Variants in PCDHA2 observed in about 807,000 individuals in gnomAD.
PCDHA2 encodes protocadherin alpha-2.
A neutral mutation model predicts 66.0 loss-of-function variants in PCDHA2; 58 were observed. The observed-to-expected ratio is 0.88, with a 90% CI of 0.71 to 1.09. PCDHA2 has a LOEUF of 1.09. Ranked by LOEUF, PCDHA2 falls within the 50% of genes least tolerant of loss-of-function variation. The pLI, the probability that PCDHA2 is intolerant of heterozygous loss-of-function variation, is 0.00. For synonymous variants in PCDHA2, 634 were observed against 554.0 expected (o/e 1.14, Z -2.03); for missense variants, 1,267 against 1,242.3 (o/e 1.02, Z -0.30).
At chr5:140,938,719 T>A (rs1484492024) in intron 1 of PCDHA2, among the ~76,000 whole-genome samples, 2 of 152,098 alleles carry the variant, frequency 1.3e-5, no homozygotes, top group African/African-American at 4.8e-5. Context: ...TAGAAACGCG[T>A]TTCTACAGAA....
At chr5:140,911,709 G>A (rs1029382331) in intron 1 of PCDHA2, among the ~76,000 whole-genome samples, 1 of 151,822 alleles carries the variant, frequency 6.6e-6, no homozygotes, top group Non-Finnish European at 1.5e-5. Context: ...AATTTATTTT[G>A]TGTAACTCTG....
chr5:140,941,461 G>A (rs1202773112), intron 1 of PCDHA2, among the ~76,000 whole-genome samples: 7 of 150,524 alleles, frequency 4.7e-5, no homozygotes, highest in Non-Finnish European at 7.4e-5. Context: ...GATTACAGGC[G>A]CCCACCACCA....
intron 1 of PCDHA2, chr5:140,816,983 G>C (rs1766039498): frequency 6.6e-6 from 1 of 152,006 alleles, no homozygotes; most frequent in Non-Finnish European, 1.5e-5. Context: ...CTAAAATTCA[G>C]GAACTTTGGA....
chr5:141,008,642 T>C (rs1554261860), intron 3 of PCDHA2, among the ~76,000 whole-genome samples: 1 of 152,212 alleles, frequency 6.6e-6, no homozygotes, highest in Non-Finnish European at 1.5e-5. Flanking sequence ...AACAATTTCT[T>C]CTTCTGGAGT....
At position 140,843,609 on chromosome 5, in the gene PCDHA2, G is replaced by C. The variant is rs145975691; in HGVS notation, c.2388+46257G>C. 647 of 1,595,902 alleles carry C rather than the reference G, an allele frequency of 4.1e-4. 69 individuals are homozygous for C. The highest frequency in any genetic ancestry group is 5.3e-4 in the Non-Finnish European group (622 of 1,165,530). On this transcript the variant is annotated intron_variant, in intron 1 of 3. Coordinates refer to ENST00000526136, the MANE Select transcript of PCDHA2 (RefSeq NM_018905.3). ...CCGCAGAGGGTGTGCTCTGGTGAGG[G>C]GCCACCGAAGACGGACCTCATGGCC...
chr5:140,841,176 A>G, intron 1 of PCDHA2: 24 of 1,081,656 alleles, frequency 2.2e-5, no homozygotes, highest in Non-Finnish European at 3.1e-5. Context: ...TGGTTGGTCA[A>G]TGTTCAAAGT....
In PCDHA2 at chr5:140,795,575, A is replaced by G. The variant is rs1338741055; in HGVS notation, c.611A>G (p.Glu204Gly). The stretch of plus-strand genomic sequence containing the variant: ...CTGGGGAAATCGCTGGACAGAGAGG[A>G]AACTGCTGAGGTTAATTTGTTACTG... ...LVLGKSLDRE[E>G]TAEVNLLLVA... The change falls in exon 1 of 4, where the codon GAA becomes GGA. Residue 204 changes from glutamate (E) to glycine (G), a missense_variant. By Grantham distance (98) the Glu-to-Gly change is moderately conservative (BLOSUM62 -2). Coordinates refer to ENST00000526136, the MANE Select transcript of PCDHA2 (RefSeq NM_018905.3). The G allele has an allele frequency of 6.2e-7, 1 of 1,614,162 alleles. No homozygotes were observed. Among genetic ancestry groups the G allele is most frequent in the Admixed American group, 1.7e-5 (1 of 60,028 alleles).
intron 1 of PCDHA2, among the ~76,000 whole-genome samples, chr5:140,948,075 T>C (rs1554218432): frequency 1.3e-5 from 2 of 151,684 alleles, no homozygotes; most frequent in Non-Finnish European, 3.0e-5. Flanking sequence ...AATTTTCTTT[T>C]AATCTATTGA....
Position 140,886,416 on chromosome 5 carries a change from A to T in PCDHA2, c.2388+89064A>T, listed in dbSNP as rs184712902. Among the ~76,000 whole-genome samples, 13 of 152,286 alleles carry T rather than the reference A, an allele frequency of 8.5e-5. No homozygotes were observed. The East Asian group carries it at 2.5e-3, about 29-fold the overall frequency. ...TGCATCACAAATATGTTTTCCTCCT[A>T]TATTATTTCTATTCATTTGTTTGTA... is the stretch of plus-strand genomic sequence containing the variant. On this transcript the variant is annotated intron_variant, in intron 1 of 3. Transcript: ENST00000526136.
intron 1 of PCDHA2, among the ~76,000 whole-genome samples, chr5:140,962,736 C>T (rs1233355346): frequency 2.0e-5 from 3 of 152,136 alleles, no homozygotes; most frequent in Non-Finnish European, 4.4e-5. Flanking sequence ...TCTGGGGATG[C>T]ATGAAGATCA....
At chr5:140,917,657 G>A (rs1382905790) in intron 1 of PCDHA2, among the ~76,000 whole-genome samples, 2 of 152,156 alleles carry the variant, frequency 1.3e-5, no homozygotes, top group Admixed American at 1.3e-4. Context: ...TATTGAGTAG[G>A]AAGTCCTTTC....
chr5:140,966,786 G>A (rs1554228650), intron 1 of PCDHA2: 2 of 1,526,000 alleles, frequency 1.3e-6, no homozygotes, highest in Admixed American at 1.9e-5. Context: ...GCGGGCACCA[G>A]ACCTGCGGCG....
At chr5:140,810,808 T>C (rs530061594) in intron 1 of PCDHA2, 17 of 152,258 alleles carry the variant, frequency 1.1e-4, no homozygotes, top group Admixed American at 9.1e-4. Context: ...TTTTTAATTC[T>C]TTTTTGTCTT....
intron 1 of PCDHA2, among the ~76,000 whole-genome samples, chr5:140,914,464 A>T (rs923814955): frequency 5.9e-5 from 9 of 152,130 alleles, no homozygotes; most frequent in Non-Finnish European, 1.3e-4. Flanking sequence ...GTCTATGTGT[A>T]TCTTCATAGG....
At chr5:140,884,433 G>C in intron 1 of PCDHA2, 1 of 1,613,908 alleles carries the variant, frequency 6.2e-7, no homozygotes, top group Non-Finnish European at 8.5e-7. Context: ...ACTGCGCTGC[G>C]GTGCTCGGCA....
intron 1 of PCDHA2, chr5:140,929,266 C>T (rs1333907609): frequency 6.2e-7 from 1 of 1,611,352 alleles, no homozygotes; most frequent in Middle Eastern, 1.7e-4. Flanking sequence ...ACTGAATTTG[C>T]CAATATCCTG....
chr5:140,855,911 G>A (rs2043669744), intron 1 of PCDHA2: 4 of 1,166,768 alleles, frequency 3.4e-6, no homozygotes, highest in East Asian at 4.8e-5. Context: ...AGTTTCTCAA[G>A]GACTAGGAAG....
intron 1 of PCDHA2, chr5:140,848,337 C>A (rs1402833811): frequency 1.3e-5 from 11 of 873,306 alleles, no homozygotes; most frequent in South Asian, 1.7e-5. Context: ...TGAATCCAGA[C>A]AAATACAGCC....
intron 1 of PCDHA2, chr5:140,807,524 C>T: frequency 2.5e-6 from 4 of 1,614,084 alleles, no homozygotes; most frequent in Non-Finnish European, 3.4e-6. Flanking sequence ...CGTAGACAGG[C>T]CGCTGCAGGT....
Sources: allele counts gnomAD v4.1 joint callset (sites outside exome capture counted in the v4.1 genomes callset), GRCh38; gene constraint gnomAD v4.1.1; transcripts MANE v1.5; gene names NCBI Gene and HGNC (gene_info 2026-07-23, HGNC 2026-07-21).